The following NBAS variants were observed in gnomAD, a reference collection of about 807,000 sequenced individuals.
NBAS encodes the protein NAG/BC035112 fusion.
NBAS carries 219 observed loss-of-function variants against 302.5 expected under a neutral mutation model. That is an observed-to-expected ratio of 0.72 (90% confidence interval 0.65 to 0.81). The LOEUF (loss-of-function observed/expected upper bound fraction) is 0.81. NBAS is among the 30% of genes least tolerant of loss of function. NBAS has a pLI of 0.00. For synonymous variants in NBAS, 1,118 were observed against 1,021.6 expected (o/e 1.09, Z -1.80); for missense variants, 2,932 against 2,841.6 (o/e 1.03, Z -0.72).
the NBAS span, among the ~76,000 whole-genome samples, chr2:14,889,113 C>G: frequency 6.6e-6 from 1 of 152,330 alleles, no homozygotes; most frequent in Non-Finnish European, 1.5e-5. Context: ...AATAGAGACA[C>G]ATTTGCCACT....
chr2:15,444,899 A>G (rs1446604801), intron 21 of NBAS, among the ~76,000 whole-genome samples: 6 of 151,896 alleles, frequency 4.0e-5, no homozygotes, highest in African/African-American at 1.5e-4. Context: ...AAAACACATG[A>G]AAAAATGCTC....
chr2:15,020,892 T>G, the NBAS span, among the ~76,000 whole-genome samples: 3 of 152,154 alleles, frequency 2.0e-5, no homozygotes, highest in African/African-American at 4.8e-5. Flanking sequence ...CAGATTAAAA[T>G]TAACCACCAC....
rs1261218920 is a variant in NBAS, at chr2:15,553,408, A to C, written c.335+18T>G. Reference sequence around the variant, plus strand: ...TTTCTCAAAGGAAATCTTGAATATGAATAATATTAACAATTACCTGATTTC... The same window carrying C: ...TTTCTCAAAGGAAATCTTGAATATGCATAATATTAACAATTACCTGATTTC... On this transcript the variant is annotated intron_variant, in intron 5 of 51. Coordinates refer to ENST00000281513, the MANE Select transcript of NBAS (RefSeq NM_015909.4). The C allele has an allele frequency of 1.3e-6, 2 of 1,590,366 alleles. No homozygotes were observed. Among genetic ancestry groups the C allele is most frequent in the Non-Finnish European group, 1.7e-6 (2 of 1,158,756 alleles).
chr2:15,225,893 A>G (rs1667132169), intron 47 of NBAS, among the ~76,000 whole-genome samples: 1 of 152,212 alleles, frequency 6.6e-6, no homozygotes, highest in African/African-American at 2.4e-5. Context: ...AAATAAGGCA[A>G]AGGCAGAGAG....
chr2:14,934,462 T>C, the NBAS span, among the ~76,000 whole-genome samples: 1 of 152,106 alleles, frequency 6.6e-6, no homozygotes. Context: ...TTTCTATAAG[T>C]CTATTGAGTC....
At chr2:15,342,215 T>A (rs1672887821) in intron 35 of NBAS, among the ~76,000 whole-genome samples, 1 of 151,998 alleles carries the variant, frequency 6.6e-6, no homozygotes, top group African/African-American at 2.4e-5. Context: ...TGCAGTTTAG[T>A]CTAAAATAGA....
the NBAS span, among the ~76,000 whole-genome samples, chr2:14,944,917 C>T: frequency 6.6e-6 from 1 of 152,110 alleles, no homozygotes; most frequent in Non-Finnish European, 1.5e-5. Context: ...GGTGTCCTGG[C>T]AGGACACTTG....
chr2:14,998,818 C>T, the NBAS span, among the ~76,000 whole-genome samples: 1 of 152,198 alleles, frequency 6.6e-6, no homozygotes, highest in Non-Finnish European at 1.5e-5. Flanking sequence ...GTGGAATACA[C>T]TTTCATTCAC....
chr2:15,059,206 C>T, the NBAS span, among the ~76,000 whole-genome samples: 1 of 152,302 alleles, frequency 6.6e-6, no homozygotes, highest in African/African-American at 2.4e-5. Context: ...AATTTGTAAA[C>T]TCCAGTGGGC....
At chr2:15,065,486 T>C in the NBAS span, among the ~76,000 whole-genome samples, 2 of 152,156 alleles carry the variant, frequency 1.3e-5, no homozygotes, top group South Asian at 4.1e-4. Flanking sequence ...CATGACCTTA[T>C]AGTAGAAAAC....
intron 23 of NBAS, 21 bp from the exon 24 acceptor site, chr2:15,417,733 T>G: frequency 6.2e-7 from 1 of 1,606,752 alleles, no homozygotes; most frequent in Non-Finnish European, 8.5e-7. Flanking sequence ...AAAGCAACAA[T>G]AAGTTCCTGA....
At chr2:15,127,708 G>T in the NBAS span, among the ~76,000 whole-genome samples, 4 of 152,184 alleles carry the variant, frequency 2.6e-5, no homozygotes, top group Non-Finnish European at 2.9e-5. Context: ...TTTCCAGACT[G>T]CTTGCTCTTT....
chr2:15,083,121 T>C, the NBAS span, among the ~76,000 whole-genome samples: 120 of 152,226 alleles, frequency 7.9e-4, no homozygotes, highest in Non-Finnish European at 1.2e-3. Flanking sequence ...TGGGACACCA[T>C]GGAGCTCATC....
chr2:15,422,418 C>T (rs1217880724), intron 23 of NBAS, among the ~76,000 whole-genome samples: 1 of 152,066 alleles, frequency 6.6e-6, no homozygotes. Context: ...TGCTCAAATG[C>T]AGGACGTTAC....
the NBAS span, among the ~76,000 whole-genome samples, chr2:15,140,021 G>C: frequency 1.3e-5 from 2 of 152,160 alleles, no homozygotes; most frequent in Non-Finnish European, 2.9e-5. Context: ...AATGCAATAT[G>C]ACTTCCAAGG....
At position 15,366,632 on chromosome 2, in the gene NBAS, G is replaced by T. The variant is rs769373036; in HGVS notation, c.3765C>A (p.Cys1255Ter). 1 of 1,614,142 alleles carries T rather than the reference G, an allele frequency of 6.2e-7. No individual in the cohort carries two copies. The highest frequency in any genetic ancestry group is 2.2e-5 in the East Asian group (1 of 44,858). Residue 1255 changes from cysteine to a stop codon, truncating the protein, a stop_gained, in exon 32 of 52, where the codon TGC becomes TGA. Transcript: ENST00000281513. LOFTEE classifies it high-confidence loss of function. ...CCAGAAGCTTGGTGGATTGTTTATA[G>T]CATGTGGGGGACTGGGAAATACACT... ...IKECISQSPT[C>*]YKQSTKLLGL...
intron 28 of NBAS, among the ~76,000 whole-genome samples, chr2:15,392,858 T>C (rs1370959350): frequency 6.6e-6 from 1 of 151,984 alleles, no homozygotes; most frequent in African/African-American, 2.4e-5. Context: ...GTTACCTAAT[T>C]TCAATATTTA....
At chr2:15,050,324 C>T in the NBAS span, among the ~76,000 whole-genome samples, 2 of 148,574 alleles carry the variant, frequency 1.3e-5, no homozygotes, top group African/African-American at 2.5e-5. Context: ...TTTTTTCATT[C>T]GCCAGATCCA....
At position 15,438,127 on chromosome 2, in the gene NBAS, T is replaced by C. The variant is rs559064918; in HGVS notation, c.2340-10333A>G. 9.2e-5 allele frequency among the ~76,000 whole-genome samples: 14 copies of C among 152,352 alleles called. No homozygotes were observed. The South Asian group carries it at 2.9e-3, about 32-fold the overall frequency. ...AATGAAAAGTCCATGTGTTAAAATA[T>C]ACTGTATTTCAACTACATTTCTCGA... is the stretch of plus-strand genomic sequence containing the variant. On this transcript the variant is annotated intron_variant, in intron 21 of 51. Coordinates refer to ENST00000281513, the MANE Select transcript of NBAS (RefSeq NM_015909.4).
Sources: allele counts gnomAD v4.1 joint callset (sites outside exome capture counted in the v4.1 genomes callset), GRCh38; gene constraint gnomAD v4.1.1; transcripts MANE v1.5; gene names NCBI Gene and HGNC (gene_info 2026-07-23, HGNC 2026-07-21).